The following RAPGEF2 variants were observed in gnomAD, a reference collection of about 807,000 sequenced individuals.
RAPGEF2 encodes PDZ domain containing guanine nucleotide exchange factor (GEF) 1.
A neutral mutation model predicts 186.7 loss-of-function variants in RAPGEF2; 54 were observed. That is an observed-to-expected ratio of 0.29 (90% CI 0.23 to 0.36). The LOEUF (loss-of-function observed/expected upper bound fraction) is 0.36. RAPGEF2 is among the 10% of genes least tolerant of loss of function. The probability of loss-of-function intolerance (pLI) is 1.00; values close to 1 mark genes in which losing one functional copy is unlikely to be tolerated. For missense variants in RAPGEF2, 1,532 were observed against 2,045.0 expected, an observed-to-expected ratio of 0.75 and a Z score of 4.84; for synonymous variants, 712 against 705.9, an observed-to-expected ratio of 1.01 and a Z score of -0.14.
At chr4:159,251,103 C>T (rs1755308263) in intron 7 of RAPGEF2, among the ~76,000 whole-genome samples, 1 of 152,210 alleles carries the variant, frequency 6.6e-6, no homozygotes, top group African/African-American at 2.4e-5. Flanking sequence ...TTCGCCAGCA[C>T]TGCCAGCTGG....
At chr4:159,307,354 A>G (rs909884394) in intron 8 of RAPGEF2, among the ~76,000 whole-genome samples, 2 of 152,192 alleles carry the variant, frequency 1.3e-5, no homozygotes, top group Admixed American at 1.3e-4. Flanking sequence ...AAGAGATAGT[A>G]TACTAGTTAT....
At chr4:159,214,576 AT>A (rs1230212570) in intron 4 of RAPGEF2, among the ~76,000 whole-genome samples, 1 of 152,212 alleles carries the variant, frequency 6.6e-6, no homozygotes, top group Non-Finnish European at 1.5e-5. Flanking sequence ...TTTGTCTAAA[AT>A]TACCCCATTC....
At chr4:159,295,749 G>A in intron 7 of RAPGEF2, among the ~76,000 whole-genome samples, 1 of 110,212 alleles carries the variant, frequency 9.1e-6, no homozygotes, top group African/African-American at 3.9e-5. Context: ...GTGTGTGTGT[G>A]TGTGTGCGCG....
chr4:159,130,175 G>A (rs947389010), intron 1 of RAPGEF2, among the ~76,000 whole-genome samples: 1 of 152,158 alleles, frequency 6.6e-6, no homozygotes, highest in Admixed American at 6.5e-5. Flanking sequence ...GGTCACTTTT[G>A]TTGTCATCTT....
At chr4:159,191,537 G>A (rs1265789450) in intron 2 of RAPGEF2, among the ~76,000 whole-genome samples, 3 of 152,108 alleles carry the variant, frequency 2.0e-5, no homozygotes, top group South Asian at 4.1e-4. Flanking sequence ...TCACAAGATC[G>A]AGACCATACT....
intron 9 of RAPGEF2, among the ~76,000 whole-genome samples, chr4:159,316,538 A>G (rs891664778): frequency 6.6e-6 from 1 of 152,088 alleles, no homozygotes; most frequent in Non-Finnish European, 1.5e-5. Flanking sequence ...CTCATCATTT[A>G]GCTCCCACTT....
chr4:159,342,073 T>G (rs1729543827), intron 20 of RAPGEF2, 126 bp downstream of exon 20: 3 of 941,472 alleles, frequency 3.2e-6, no homozygotes, highest in African/African-American at 1.7e-5. Context: ...GAGACAATTC[T>G]TTTTCTCTGA....
intron 1 of RAPGEF2, among the ~76,000 whole-genome samples, chr4:159,180,170 G>T (rs1272986839): frequency 6.6e-6 from 1 of 152,192 alleles, no homozygotes; most frequent in East Asian, 1.9e-4. Context: ...TTGTTTATGC[G>T]ATCTGTGGTA....
intron 1 of RAPGEF2, among the ~76,000 whole-genome samples, chr4:159,179,993 C>T (rs948833249): frequency 1.3e-5 from 2 of 152,012 alleles, no homozygotes; most frequent in Admixed American, 6.6e-5. Context: ...CATAGTGAGC[C>T]GATATGGGGC....
rs148767465 is a variant in RAPGEF2 at position 159,261,246 on chromosome 4, T to C, written c.543+17455T>C. The stretch of plus-strand genomic sequence containing the variant: ...TGGCTAATTTTTTTTGTATTTTTAG[T>C]AGAGATGGGGTTTCACTGTGTTAGC... On this transcript the variant is annotated intron_variant, in intron 7 of 29. Transcript: ENST00000691494. Among the ~76,000 whole-genome samples the C allele has an allele frequency of 1.9e-3, 285 of 151,762 alleles. 4 individuals are homozygous for C. In the East Asian group the frequency reaches 0.054, roughly 29 times the overall value.
intron 7 of RAPGEF2, among the ~76,000 whole-genome samples, chr4:159,263,380 T>A (rs1757089897): frequency 6.6e-6 from 1 of 152,174 alleles, no homozygotes; most frequent in Non-Finnish European, 1.5e-5. Context: ...GAAAATAGCA[T>A]TTTAAAATGA....
intron 1 of RAPGEF2, among the ~76,000 whole-genome samples, chr4:159,163,837 A>C (rs1744976283): frequency 6.6e-6 from 1 of 152,250 alleles, no homozygotes. Context: ...TACATCAGTA[A>C]AAATCACATC....
chr4:159,334,313 T>G (rs1767101378), intron 17 of RAPGEF2, among the ~76,000 whole-genome samples: 2 of 152,226 alleles, frequency 1.3e-5, no homozygotes, highest in Admixed American at 1.3e-4. Context: ...GCAATTGCTG[T>G]GATCTGCTCA....
At chr4:159,171,706 C>G (rs145621990) in intron 1 of RAPGEF2, among the ~76,000 whole-genome samples, 1 of 151,282 alleles carries the variant, frequency 6.6e-6, no homozygotes, top group African/African-American at 2.4e-5. Flanking sequence ...AAGAATCTTT[C>G]ATGGGATAGG....
chr4:159,314,573 T>TTG lies in RAPGEF2; in HGVS notation c.676-8_676-7dup, dbSNP rs747907965. On this transcript the variant is annotated splice_polypyrimidine_tract_variant and intron_variant, in intron 8 of 29. Coordinates refer to ENST00000691494, the MANE Select transcript of RAPGEF2 (RefSeq NM_001394067.2). The stretch of plus-strand genomic sequence containing the variant: ...ATTTACTTAAAATAGTTTTTAATTT[T>TTG]TGTGTGTGTGTCTTAAGGCCACAGA... 1 of 1,582,682 alleles carries TTG rather than the reference T, an allele frequency of 6.3e-7. No individual in the cohort carries two copies. The highest frequency in any genetic ancestry group is 8.5e-7 in the Non-Finnish European group (1 of 1,169,774).
chr4:159,121,678 A>T (rs923647821), intron 1 of RAPGEF2, among the ~76,000 whole-genome samples: 12 of 151,980 alleles, frequency 7.9e-5, no homozygotes, highest in Non-Finnish European at 1.3e-4. Flanking sequence ...TATTAAAAAA[A>T]TTTTTGGAGA....
At chr4:159,179,373 T>C (rs1019544273) in intron 1 of RAPGEF2, among the ~76,000 whole-genome samples, 2 of 152,216 alleles carry the variant, frequency 1.3e-5, no homozygotes, top group African/African-American at 2.4e-5. Context: ...TATTTTTCTA[T>C]AGTTGTTGGT....
At chr4:159,164,045 C>T (rs1409994222) in intron 1 of RAPGEF2, among the ~76,000 whole-genome samples, 7 of 151,930 alleles carry the variant, frequency 4.6e-5, no homozygotes, top group African/African-American at 1.5e-4. Context: ...CGCCGTGTCC[C>T]CCAGGCTGGA....
intron 3 of RAPGEF2, among the ~76,000 whole-genome samples, chr4:159,204,159 A>G (rs764962562): frequency 1.3e-5 from 2 of 152,256 alleles, no homozygotes; most frequent in African/African-American, 2.4e-5. Context: ...AAGGAAGTTC[A>G]TTGTAGTTGG....
Sources: allele counts gnomAD v4.1 joint callset (sites outside exome capture counted in the v4.1 genomes callset), GRCh38; gene constraint gnomAD v4.1.1; transcripts MANE v1.5; gene names NCBI Gene and HGNC (gene_info 2026-07-23, HGNC 2026-07-21).